Variants in RILP observed in about 807,000 individuals in gnomAD.
The protein encoded by RILP is rab-interacting lysosomal protein.
In RILP, 53 loss-of-function variants were observed where a neutral mutation model predicts 40.0. That is an observed-to-expected ratio of 1.32 (90% confidence interval 1.06 to 1.66). The LOEUF is 1.66. Ranked by LOEUF, RILP falls within the 40% of genes most tolerant of loss-of-function variation. The pLI, the probability that RILP is intolerant of heterozygous loss-of-function variation, is 0.00. For synonymous variants in RILP, 272 were observed against 250.6 expected, an observed-to-expected ratio of 1.09 and a Z score of -0.80; for missense variants, 626 against 551.7, an observed-to-expected ratio of 1.13 and a Z score of -1.35.
rs375529949 is a variant in RILP at position 1,647,487 on chromosome 17, C to T, written c.944+348G>A. On this transcript the variant is annotated intron_variant, in intron 6 of 7. Transcript: ENST00000301336. ...CACACAGCAGGCCCTGACACAGCCGCGGCTACAGTTTCACCCCCGTAAGAA... is the reference window on the plus strand; with the variant it reads ...CACACAGCAGGCCCTGACACAGCCGTGGCTACAGTTTCACCCCCGTAAGAA... 4.3e-3 allele frequency among the ~76,000 whole-genome samples: 652 copies of T among 152,180 alleles called. 4 individuals are homozygous for T. The highest frequency in any genetic ancestry group is 0.015 in the African/African-American group (620 of 41,524).
Position 1,648,298 on chromosome 17 carries a change from T to C in RILP, c.821+52A>G. 1 of 1,590,780 alleles carries C rather than the reference T, an allele frequency of 6.3e-7. No individual in the cohort carries two copies. The highest frequency in any genetic ancestry group is 8.6e-7 in the Non-Finnish European group (1 of 1,168,310). ...ATGTCACTGTGGACATGTCAATGAC[T>C]GGAGAATGAGGTGGGGTGATCGGAG... On this transcript the variant is annotated intron_variant, in intron 5 of 7. Coordinates refer to ENST00000301336, the MANE Select transcript of RILP (RefSeq NM_031430.3). The surrounding 1 kb of genome is among the most constrained non-coding windows in gnomAD (Gnocchi z 4.9).
Position 1,646,739 on chromosome 17 carries a change from G to T in RILP, c.1029-120C>A. On this transcript the variant is annotated intron_variant, in intron 7 of 7. Coordinates refer to ENST00000301336, the MANE Select transcript of RILP (RefSeq NM_031430.3). This position sits in a 1 kb window ranked among gnomAD's most constrained non-coding sequence, Gnocchi z 4.3. The stretch of plus-strand genomic sequence containing the variant: ...GGAAGAAAGGGCAGCCTGAGGGAGT[G>T]TGAAGGTGATGGGGGCCAGGGCCAG... 8.5e-7 allele frequency: 1 copy of T among 1,181,428 alleles called. No homozygotes were observed. 73.2% of individuals were successfully genotyped at this position (1,181,428 alleles called of 1,614,324 possible). A position where few individuals can be genotyped will look rare whatever the true frequency, so the allele number is the denominator to read the frequency against.
In RILP at chr17:1,648,218, G is replaced by T; in HGVS notation, c.821+132C>A. The T allele has an allele frequency of 2.5e-6, 3 of 1,224,184 alleles. No homozygotes were observed. The highest frequency in any genetic ancestry group is 3.4e-6 in the Non-Finnish European group (3 of 876,542). 75.8% of individuals were successfully genotyped at this position (1,224,184 alleles called of 1,614,324 possible). A position where few individuals can be genotyped will look rare whatever the true frequency, so the allele number is the denominator to read the frequency against. Reference sequence around the variant, plus strand: ...CTCCCCTGTCTGGATGACATTGCAGGAGGGCAAGGGCTGTACAATTCATGT... The same window carrying T: ...CTCCCCTGTCTGGATGACATTGCAGTAGGGCAAGGGCTGTACAATTCATGT... On this transcript the variant is annotated intron_variant, in intron 5 of 7. Transcript: ENST00000301336. This position sits in a 1 kb window ranked among gnomAD's most constrained non-coding sequence, Gnocchi z 4.9.
Position 1,648,948 on chromosome 17 carries a change from C to G in RILP, c.526G>C (p.Glu176Gln). The change falls in exon 4 of 8, where the codon GAG becomes CAG. Residue 176 changes from glutamate to glutamine, a missense_variant. Coordinates refer to ENST00000301336, the MANE Select transcript of RILP (RefSeq NM_031430.3). This position sits in a 1 kb window ranked among gnomAD's most constrained non-coding sequence, Gnocchi z 4.9. ...TCGCCAGGCTGCTGGCGCTCCCTCTCGCGGTCCTGCGCGGCGCGCAGCTGG... is the reference window on the plus strand; with the variant it reads ...TCGCCAGGCTGCTGGCGCTCCCTCTGGCGGTCCTGCGCGGCGCGCAGCTGG... ...QTQLRAAQDR[E>Q]RERQQPGEAA... The G allele has an allele frequency of 6.6e-7, 1 of 1,513,276 alleles. No homozygotes were observed. The highest frequency in any genetic ancestry group is 8.8e-7 in the Non-Finnish European group (1 of 1,137,818). The allele number at this position is 1,513,276 out of a possible 1,614,324, so 93.7% of individuals were successfully genotyped here. A position where few individuals can be genotyped will look rare whatever the true frequency, so the allele number is the denominator to read the frequency against.
At position 1,648,601 on chromosome 17, in the gene RILP, G is replaced by T; in HGVS notation, c.676-106C>A. The stretch of plus-strand genomic sequence containing the variant: ...AAGTGACGGGCCGGGAGACTTGGGG[G>T]ACAAGGGTGCCCTAACAGATAACAG... On this transcript the variant is annotated intron_variant, in intron 4 of 7. Transcript: ENST00000301336. The surrounding 1 kb of genome is among the most constrained non-coding windows in gnomAD (Gnocchi z 4.9). 6.7e-7 allele frequency: 1 copy of T among 1,489,744 alleles called. No individual in the cohort carries two copies. The highest frequency in any genetic ancestry group is 1.3e-5 in the South Asian group (1 of 77,238). 92.3% of individuals were successfully genotyped at this position (1,489,744 alleles called of 1,614,324 possible). A position where few individuals can be genotyped will look rare whatever the true frequency, so the allele number is the denominator to read the frequency against.
rs1268602963 is a variant in RILP, at chr17:1,646,837, C to A, written c.1028+69G>T. 2.4e-6 allele frequency: 3 copies of A among 1,239,594 alleles called. No homozygotes were observed. The highest frequency in any genetic ancestry group is 3.4e-6 in the Non-Finnish European group (3 of 890,762). 76.8% of individuals were successfully genotyped at this position (1,239,594 alleles called of 1,614,324 possible). A position where few individuals can be genotyped will look rare whatever the true frequency, so the allele number is the denominator to read the frequency against. ...CGGGCAGAGAAGCGGGAAAGGGGAT[C>A]CTGAGAAGGACCAGCCAGGGCCCTT... On this transcript the variant is annotated intron_variant, in intron 7 of 7. Transcript: ENST00000301336. This position sits in a 1 kb window ranked among gnomAD's most constrained non-coding sequence, Gnocchi z 4.3.
intron 6 of RILP, 99 bp downstream of exon 6, chr17:1,647,722 GTGACAGCCTCAGTC>G: frequency 2.9e-6 from 4 of 1,383,974 alleles, no homozygotes; most frequent in Non-Finnish European, 4.1e-6. Flanking sequence ...CCGGGTTGGG[GTGACAGCCTCAGTC>G]TGAGACAATG....
rs1207586497 is a variant in RILP, at chr17:1,648,355, G to C, written c.816C>G (p.Phe272Leu). The change falls in exon 5 of 8, where the codon TTC (phenylalanine) becomes TTG (leucine). Residue 272 changes from phenylalanine to leucine, a missense_variant. Physicochemically the swap from Phe to Leu is conservative, Grantham distance 22. Transcript: ENST00000301336. The surrounding 1 kb of genome is among the most constrained non-coding windows in gnomAD (Gnocchi z 4.9). ...CGGCTTCCCAGCGTCCTCACCGCTG[G>C]AAGTAGGCCAGTTCCTCCTTGAGCA... Reference protein sequence around the residue: ...VFLLKEELAYFQRELLTDHRV... With the variant: ...VFLLKEELAYLQRELLTDHRV... The C allele has an allele frequency of 6.2e-7, 1 of 1,613,366 alleles. No homozygotes were observed. Among genetic ancestry groups the C allele is most frequent in the African/African-American group, 1.3e-5 (1 of 74,938 alleles).
Position 1,647,328 on chromosome 17 carries a change from C to T in RILP, c.945-339G>A, listed in dbSNP as rs758656386. On this transcript the variant is annotated intron_variant, in intron 6 of 7. Coordinates refer to ENST00000301336, the MANE Select transcript of RILP (RefSeq NM_031430.3). ...CTAATTTTTGTATTTTTAGTAGAGA[C>T]GGAGTTTCACCATGTTGGCCACGCT... 9.9e-5 allele frequency among the ~76,000 whole-genome samples: 15 copies of T among 152,046 alleles called. No homozygotes were observed. In the South Asian group the frequency reaches 2.1e-3, roughly 21 times the overall value.
At position 1,649,225 on chromosome 17, in the gene RILP, C is replaced by G. The variant is rs183827902; in HGVS notation, c.404G>C (p.Arg135Pro). ...DELRAHNRDL[R>P]QRGQETEALQ... ...CGCCTCGGTCTCCTGGCCGCGCTGCCGCAGGTCGCGGTTGTGCGCCCGGAG... is the reference window on the plus strand; with the variant it reads ...CGCCTCGGTCTCCTGGCCGCGCTGCGGCAGGTCGCGGTTGTGCGCCCGGAG... Residue 135 changes from arginine (R) to proline (P), a missense_variant, in exon 3 of 8, where the codon CGG becomes CCG. Physicochemically the swap from Arg to Pro is moderately radical, Grantham distance 103. Transcript: ENST00000301336. The surrounding 1 kb of genome is among the most constrained non-coding windows in gnomAD (Gnocchi z 4.3). 2 of 1,489,682 alleles carry G rather than the reference C, an allele frequency of 1.3e-6. No individual in the cohort carries two copies. The highest frequency in any genetic ancestry group is 1.5e-5 in the African/African-American group (1 of 68,494). 92.3% of individuals were successfully genotyped at this position (1,489,682 alleles called of 1,614,324 possible).
chr17:1,648,964 G>A lies in RILP; in HGVS notation c.510C>T (p.Arg170=), dbSNP rs1355552156. 6.6e-7 allele frequency: 1 copy of A among 1,509,422 alleles called. No homozygotes were observed. Among genetic ancestry groups the A allele is most frequent in the African/African-American group, 1.4e-5 (1 of 70,006 alleles). 93.5% of individuals were successfully genotyped at this position (1,509,422 alleles called of 1,614,324 possible). A position where few individuals can be genotyped will look rare whatever the true frequency, so the allele number is the denominator to read the frequency against. ...GCTCCCTCTCGCGGTCCTGCGCGGC[G>A]CGCAGCTGGGTCTGCATGGCCGCCA... is the stretch of plus-strand genomic sequence containing the variant. ...HKLAAMQTQL[R]AAQDRERERQ... The change falls in exon 4 of 8, where the codon CGC becomes CGT. Residue 170 remains arginine, a synonymous_variant. Transcript: ENST00000301336. The surrounding 1 kb of genome is among the most constrained non-coding windows in gnomAD (Gnocchi z 4.9).
In RILP at chr17:1,646,868, C is replaced by T; in HGVS notation, c.1028+38G>A. The T allele has an allele frequency of 6.8e-7, 1 of 1,472,282 alleles. No homozygotes were observed. Among genetic ancestry groups the T allele is most frequent in the South Asian group, 1.3e-5 (1 of 77,954 alleles). The allele number at this position is 1,472,282 out of a possible 1,614,324, so 91.2% of individuals were successfully genotyped here. ...AAGGACCAGCCAGGGCCCTTCCTCC[C>T]TCCCCACACTCTTGCCTTTCCCCTT... On this transcript the variant is annotated intron_variant, in intron 7 of 7. Transcript: ENST00000301336. This position sits in a 1 kb window ranked among gnomAD's most constrained non-coding sequence, Gnocchi z 4.3.
rs946229991 is a variant in RILP, at chr17:1,648,016, G to A, written c.822-59C>T. On this transcript the variant is annotated intron_variant, in intron 5 of 7. Coordinates refer to ENST00000301336, the MANE Select transcript of RILP (RefSeq NM_031430.3). This position sits in a 1 kb window ranked among gnomAD's most constrained non-coding sequence, Gnocchi z 4.9. ...GGTGATGCCAGCCATGGGGATGCCA[G>A]CAGTGGAGATGCCAGCCGCAGTCCT... 43 of 1,602,454 alleles carry A rather than the reference G, an allele frequency of 2.7e-5. No homozygotes were observed. The highest frequency in any genetic ancestry group is 5.0e-5 in the Admixed American group (3 of 59,452).
At position 1,646,975 on chromosome 17, in the gene RILP, C is replaced by T. The variant is rs1391311641; in HGVS notation, c.959G>A (p.Gly320Asp). 5 of 1,606,512 alleles carry T rather than the reference C, an allele frequency of 3.1e-6. No individual in the cohort carries two copies. In the South Asian group the frequency reaches 5.6e-5, roughly 18 times the overall value. The change falls in exon 7 of 8, where the codon GGC (glycine) becomes GAC (aspartate). Residue 320 changes from glycine (G) to aspartate (D), a missense_variant. By Grantham distance (94) the Gly-to-Asp change is moderately conservative. Transcript: ENST00000301336. The surrounding 1 kb of genome is among the most constrained non-coding windows in gnomAD (Gnocchi z 4.3). ...GTCATCGGAGAGCAGGATCCATGGG[C>T]CAGCCTCATCCTCACTGAGACAGAG... The part of the protein sequence containing the change: ...EEAESSEDEA[G>D]PWILLSDDKG...
chr17:1,647,665 G>A (rs1375686058), intron 6 of RILP, among the ~76,000 whole-genome samples, 170 bp downstream of exon 6: 2 of 152,164 alleles, frequency 1.3e-5, no homozygotes, highest in Admixed American at 1.3e-4. Flanking sequence ...GCCAGAGCAG[G>A]TCAGCAGGCC....
rs1910731776 is a variant in RILP at position 1,648,333 on chromosome 17, C to T, written c.821+17G>A. On this transcript the variant is annotated intron_variant, in intron 5 of 7. Coordinates refer to ENST00000301336, the MANE Select transcript of RILP (RefSeq NM_031430.3). This position sits in a 1 kb window ranked among gnomAD's most constrained non-coding sequence, Gnocchi z 4.9. The stretch of plus-strand genomic sequence containing the variant: ...GGTGGGGTGATCGGAGGCCCCCCGG[C>T]TTCCCAGCGTCCTCACCGCTGGAAG... The T allele has an allele frequency of 6.2e-7, 1 of 1,610,862 alleles. No homozygotes were observed.
At position 1,648,389 on chromosome 17, in the gene RILP, T is replaced by A; in HGVS notation, c.782A>T (p.Lys261Ile). The A allele has an allele frequency of 1.2e-6, 2 of 1,614,142 alleles. No individual in the cohort carries two copies. The highest frequency in any genetic ancestry group is 1.7e-6 in the Non-Finnish European group (2 of 1,179,998). ...ILQERNELKA[K>I]VFLLKEELAY... ...CAGTTCCTCCTTGAGCAGGAACACT[T>A]TGGCTTTGAGTTCATTCCGCTCCTG... Residue 261 changes from lysine (K) to isoleucine (I), a missense_variant, in exon 5 of 8, where the codon AAA becomes ATA. By Grantham distance (102) the Lys-to-Ile change is moderately radical. Transcript: ENST00000301336. The surrounding 1 kb of genome is among the most constrained non-coding windows in gnomAD (Gnocchi z 4.9).
chr17:1,646,442 T>G lies in RILP; in HGVS notation c.1206A>C (p.Ter402CysextTer57). The change falls in exon 8 of 8, where the codon TGA (stop) becomes TGC (cysteine). Residue 402 changes from the stop codon to cysteine, a stop_lost. Transcript: ENST00000301336. This position sits in a 1 kb window ranked among gnomAD's most constrained non-coding sequence, Gnocchi z 4.3. Reference sequence around the variant, plus strand: ...ATCCTTCCACAGCCAGACCCCTAAGTCAGGCCTCTGGGGCGGCTGAGGCCC... The same window carrying G: ...ATCCTTCCACAGCCAGACCCCTAAGGCAGGCCTCTGGGGCGGCTGAGGCCC... Reference protein sequence around the residue: ...CLGASAAPEA* With the variant: ...CLGASAAPEAC The G allele has an allele frequency of 6.4e-7, 1 of 1,567,672 alleles. No individual in the cohort carries two copies. The highest frequency in any genetic ancestry group is 8.6e-7 in the Non-Finnish European group (1 of 1,158,416).
In RILP at chr17:1,649,318, G is replaced by A. The variant is rs1037655671; in HGVS notation, c.323-12C>T. The A allele has an allele frequency of 1.9e-5, 29 of 1,497,654 alleles. No individual in the cohort carries two copies. Among genetic ancestry groups the A allele is most frequent in the Non-Finnish European group, 2.2e-5 (25 of 1,130,590 alleles). The allele number at this position is 1,497,654 out of a possible 1,614,324, so 92.8% of individuals were successfully genotyped here. On this transcript the variant is annotated splice_polypyrimidine_tract_variant and intron_variant, in intron 2 of 7. Transcript: ENST00000301336. The surrounding 1 kb of genome is among the most constrained non-coding windows in gnomAD (Gnocchi z 4.3). ...CAGCGCGCGCTCCTCTGAGGAAGGG[G>A]CGTTCTTAGCGGCGGCGGCGCGCGG...
Sources: gnomAD v4.1 joint callset for allele counts (sites outside exome capture counted in the v4.1 genomes callset) on GRCh38, gnomAD v4.1.1 for gene constraint, Gnocchi (gnomAD v3.1) non-coding constraint, MANE v1.5 for transcripts, NCBI Gene and HGNC (gene_info 2026-07-23, HGNC 2026-07-21) for gene names.